ATP10A: variants seen among roughly 807,000 people sequenced by gnomAD.
ATP10A encodes the protein phospholipid-transporting ATPase VA.
ATP10A carries 111 observed loss-of-function variants against 147.8 expected under a neutral mutation model. That is an observed-to-expected ratio of 0.75 (90% CI 0.64 to 0.88). ATP10A has a LOEUF of 0.88. Ranked by LOEUF, ATP10A falls within the 40% of genes least tolerant of loss-of-function variation. The pLI is 0.00. For missense variants in ATP10A, 1,927 were observed against 1,959.0 expected (o/e 0.98, Z 0.31); for synonymous variants, 875 against 841.6 (o/e 1.04, Z -0.69).
At chr15:25,685,530 T>C (rs139612174) in intron 16 of ATP10A, among the ~76,000 whole-genome samples, 36 of 152,300 alleles carry the variant, frequency 2.4e-4, no homozygotes, top group African/African-American at 8.4e-4. Flanking sequence ...TTTGCTTTGT[T>C]TTTTTAAGAT....
intron 1 of ATP10A, among the ~76,000 whole-genome samples, chr15:25,830,758 C>G (rs1166883641): frequency 6.6e-6 from 1 of 152,126 alleles, no homozygotes; most frequent in Non-Finnish European, 1.5e-5. Context: ...TTAAGATGGT[C>G]TATATTAAAC....
At chr15:25,676,373 G>A (rs895137295), downstream of ATP10A, among the ~76,000 whole-genome samples, 1 of 152,176 alleles carries the variant, frequency 6.6e-6, no homozygotes, top group Non-Finnish European at 1.5e-5. Flanking sequence ...TGCTTGGCTT[G>A]GGCCACTTCC....
At position 25,680,799 on chromosome 15, in the gene ATP10A, G is replaced by A. The variant is rs368581315; in HGVS notation, c.3678+11C>T. ...GCTCTTCTGAGACGTGGCCATGCAG[G>A]CGGCTCTTACCCAGGTTTTGGTTTC... On this transcript the variant is annotated intron_variant, in intron 19 of 20. Transcript: ENST00000555815. 1.2e-6 allele frequency: 2 copies of A among 1,608,082 alleles called. No homozygotes were observed. Among genetic ancestry groups the A allele is most frequent in the Non-Finnish European group, 1.7e-6 (2 of 1,175,932 alleles).
rs199711038 is a variant in ATP10A, at chr15:25,736,065, C to T, written c.731G>A (p.Arg244His). 135 of 1,613,562 alleles carry T rather than the reference C, an allele frequency of 8.4e-5. No individual in the cohort carries two copies. Among genetic ancestry groups the T allele is most frequent in the Non-Finnish European group, 1.1e-4 (124 of 1,179,828 alleles). Residue 244 changes from arginine to histidine, a missense_variant, in exon 3 of 21, where the codon CGC (arginine) becomes CAC (histidine). Physicochemically the swap from Arg to His is conservative, Grantham distance 29. Transcript: ENST00000555815. ...EKPNNDLSRF[R>H]GCIIHDNGKK... is the part of the protein sequence containing the mutation. ...GACACACGATACTCACATGCAGCCGCGAAACCTACTCAGGTCGTTGTTTGG... is the reference window on the plus strand; with the variant it reads ...GACACACGATACTCACATGCAGCCGTGAAACCTACTCAGGTCGTTGTTTGG...
intron 2 of ATP10A, among the ~76,000 whole-genome samples, chr15:25,779,420 A>G (rs1450285964): frequency 6.6e-6 from 1 of 152,092 alleles, no homozygotes; most frequent in African/African-American, 2.4e-5. Flanking sequence ...CCCTAACTCT[A>G]GCTGAGACCC....
chr15:25,862,453 C>T (rs1156571167), intron 1 of ATP10A, 195 bp downstream of exon 1: 7 of 699,780 alleles, frequency 1.0e-5, no homozygotes, highest in African/African-American at 7.1e-5. Context: ...CCTTTAGCTG[C>T]GGCGGAGGCA....
intron 1 of ATP10A, among the ~76,000 whole-genome samples, chr15:25,850,386 G>A (rs1411236777): frequency 1.3e-5 from 2 of 152,154 alleles, no homozygotes; most frequent in African/African-American, 4.8e-5. Context: ...GCGTGGATGC[G>A]TTTTGTACGG....
intron 1 of ATP10A, among the ~76,000 whole-genome samples, chr15:25,842,292 T>C (rs577239175): frequency 6.6e-6 from 1 of 152,312 alleles, no homozygotes; most frequent in Admixed American, 6.5e-5. Context: ...TTACAGGCCT[T>C]CCTGTGCCCA....
intron 1 of ATP10A, among the ~76,000 whole-genome samples, chr15:25,787,455 A>C (rs974578167): frequency 2.0e-5 from 3 of 151,916 alleles, no homozygotes; most frequent in Non-Finnish European, 2.9e-5. Flanking sequence ...CTCTCCAAAA[A>C]ATACAAGAAT....
chr15:25,753,879 G>A (rs1177163432), intron 2 of ATP10A, among the ~76,000 whole-genome samples: 3 of 151,348 alleles, frequency 2.0e-5, no homozygotes, highest in East Asian at 1.9e-4. Flanking sequence ...TGGGCTCAAG[G>A]GATTCTCCCA....
At chr15:25,682,008 C>T (rs1287487776) in intron 17 of ATP10A, among the ~76,000 whole-genome samples, 7 of 143,504 alleles carry the variant, frequency 4.9e-5, no homozygotes, top group Non-Finnish European at 6.0e-5. Context: ...GAGCCGAGAT[C>T]ACACCACTGC....
chr15:25,753,257 C>A (rs575754198), intron 2 of ATP10A, among the ~76,000 whole-genome samples: 1 of 152,258 alleles, frequency 6.6e-6, no homozygotes. Flanking sequence ...TCTCCCCCAT[C>A]CCCCAGCCTC....
intron 1 of ATP10A, among the ~76,000 whole-genome samples, chr15:25,857,190 T>A (rs1893556228): frequency 6.6e-6 from 1 of 152,188 alleles, no homozygotes; most frequent in African/African-American, 2.4e-5. Flanking sequence ...AGGCTTGTCA[T>A]CCCAGCACTT....
At chr15:25,847,371 T>G (rs1470559195) in intron 1 of ATP10A, among the ~76,000 whole-genome samples, 1 of 152,116 alleles carries the variant, frequency 6.6e-6, no homozygotes, top group African/African-American at 2.4e-5. Context: ...AATGAAGAAT[T>G]TATAAGCTCT....
At chr15:25,693,788 G>A (rs979959605) in intron 14 of ATP10A, among the ~76,000 whole-genome samples, 1 of 152,184 alleles carries the variant, frequency 6.6e-6, no homozygotes, top group African/African-American at 2.4e-5. Context: ...CATGACGACC[G>A]TGTTCAGGCC....
At chr15:25,690,139 C>T (rs1013469852) in intron 15 of ATP10A, among the ~76,000 whole-genome samples, 1 of 151,710 alleles carries the variant, frequency 6.6e-6, no homozygotes, top group Non-Finnish European at 1.5e-5. Context: ...GGAAGCCTTA[C>T]TGATCACACA....
At chr15:25,845,654 G>A (rs902182206) in intron 1 of ATP10A, among the ~76,000 whole-genome samples, 2 of 152,096 alleles carry the variant, frequency 1.3e-5, no homozygotes, top group African/African-American at 2.4e-5. Flanking sequence ...GCCAGGGCCC[G>A]ACACCTCTCC....
At chr15:25,696,975 G>A (rs894831478) in intron 13 of ATP10A, among the ~76,000 whole-genome samples, 3 of 152,172 alleles carry the variant, frequency 2.0e-5, no homozygotes, top group Admixed American at 6.5e-5. Context: ...CCCACTTGGC[G>A]CTGGATGCAG....
chr15:25,754,948 C>G (rs1356479553), intron 2 of ATP10A, among the ~76,000 whole-genome samples: 1 of 152,074 alleles, frequency 6.6e-6, no homozygotes, highest in Non-Finnish European at 1.5e-5. Flanking sequence ...TCCCAAATAG[C>G]CTTTTATAAA....
Sources: allele counts gnomAD v4.1 joint callset (sites outside exome capture counted in the v4.1 genomes callset), GRCh38; gene constraint gnomAD v4.1.1; transcripts MANE v1.5; gene names NCBI Gene and HGNC (gene_info 2026-07-23, HGNC 2026-07-21).